TCF4: variants seen among roughly 807,000 people sequenced by gnomAD.
TCF4 encodes the protein SL3-3 enhancer factor 2.
A neutral mutation model predicts 82.1 loss-of-function variants in TCF4; 3 were observed. The ratio of observed to expected loss-of-function variants is 0.04; its 90% CI spans 0.02 to 0.09. TCF4 has a LOEUF of 0.09. Ranked by LOEUF, TCF4 falls within the 10% of genes least tolerant of loss-of-function variation. TCF4 has a pLI of 1.00. For missense variants in TCF4, 518 were observed against 852.7 expected (o/e 0.61, Z 4.89); for synonymous variants, 276 against 309.6 (o/e 0.89, Z 1.14).
intron 2 of TCF4, chr18:55,596,006 G>A (rs2097690528): frequency 5.9e-6 from 2 of 341,438 alleles, no homozygotes; most frequent in Admixed American, 6.9e-5. Flanking sequence ...ACCGAGGTGG[G>A]TGGATCACTT....
intron 8 of TCF4, among the ~76,000 whole-genome samples, chr18:55,292,974 G>T (rs965752369): frequency 6.6e-6 from 1 of 152,108 alleles, no homozygotes. Context: ...GAAGTAGGGG[G>T]ATAGGAAGGA....
At chr18:55,299,971 G>T (rs1232032885) in intron 8 of TCF4, among the ~76,000 whole-genome samples, 1 of 151,996 alleles carries the variant, frequency 6.6e-6, no homozygotes, top group African/African-American at 2.4e-5. Flanking sequence ...ATCATCTTAT[G>T]GCCTGGGATG....
At chr18:55,408,852 G>A (rs2094215440) in intron 5 of TCF4, among the ~76,000 whole-genome samples, 1 of 152,010 alleles carries the variant, frequency 6.6e-6, no homozygotes, top group African/African-American at 2.4e-5. Context: ...TAAACTAGAG[G>A]CCCGACACTG....
chr18:55,593,478 A>G (rs940284067), upstream of TCF4, among the ~76,000 whole-genome samples: 1 of 152,222 alleles, frequency 6.6e-6, no homozygotes, highest in Non-Finnish European at 1.5e-5. Context: ...CACTGGATTC[A>G]TAGACAAAAA....
At chr18:55,277,225 TA>T in intron 9 of TCF4, among the ~76,000 whole-genome samples, 1 of 152,208 alleles carries the variant, frequency 6.6e-6, no homozygotes, top group East Asian at 1.9e-4. Context: ...TGATTTTTTT[TA>T]AAGTTATCAT....
chr18:55,388,627 C>T (rs183193123), intron 6 of TCF4, among the ~76,000 whole-genome samples: 62 of 152,208 alleles, frequency 4.1e-4, no homozygotes, highest in Non-Finnish European at 6.5e-4. Context: ...GAATAGAGAG[C>T]TGGAACCATC....
chr18:55,273,360 C>T (rs2060795081), intron 10 of TCF4, among the ~76,000 whole-genome samples: 1 of 152,134 alleles, frequency 6.6e-6, no homozygotes, highest in Admixed American at 6.6e-5. Context: ...AGGAACAGCG[C>T]TTAGCTTTTT....
intron 3 of TCF4, among the ~76,000 whole-genome samples, chr18:55,566,513 A>G (rs1031510676): frequency 1.3e-5 from 2 of 152,190 alleles, no homozygotes; most frequent in African/African-American, 2.4e-5. Flanking sequence ...ACAAGAAATA[A>G]GAAAGTATTT....
chr18:55,385,824 G>C (rs1215468418), intron 6 of TCF4, among the ~76,000 whole-genome samples: 1 of 152,158 alleles, frequency 6.6e-6, no homozygotes, highest in Non-Finnish European at 1.5e-5. Context: ...CTGCTCCAAG[G>C]CTTGTCCAGC....
At chr18:55,448,694 C>T (rs1033855636) in intron 5 of TCF4, among the ~76,000 whole-genome samples, 1 of 152,172 alleles carries the variant, frequency 6.6e-6, no homozygotes, top group Non-Finnish European at 1.5e-5. Context: ...GCAACATTAC[C>T]GTGTAGTTAC....
chr18:55,230,141 T>A (rs2047466173), intron 17 of TCF4: 1 of 102,624 alleles, frequency 9.7e-6, no homozygotes, highest in Non-Finnish European at 2.0e-5. Context: ...CCAGACTCTG[T>A]CTCTTACAAA....
At chr18:55,628,546 T>C (rs942223503) in intron 2 of TCF4, among the ~76,000 whole-genome samples, 1 of 152,188 alleles carries the variant, frequency 6.6e-6, no homozygotes, top group Non-Finnish European at 1.5e-5. Flanking sequence ...CTGTCTTTCA[T>C]TATACACAGA....
chr18:55,581,429 G>C (rs2097574164), intron 3 of TCF4, among the ~76,000 whole-genome samples: 1 of 151,794 alleles, frequency 6.6e-6, no homozygotes, highest in African/African-American at 2.4e-5. Flanking sequence ...TGGGTTTAAC[G>C]CCACTGTACT....
intron 10 of TCF4, among the ~76,000 whole-genome samples, chr18:55,271,497 G>C (rs1176034408): frequency 1.3e-5 from 2 of 152,076 alleles, no homozygotes; most frequent in Non-Finnish European, 2.9e-5. Context: ...TTAGAGGTAG[G>C]ATTTTCAAAG....
intron 3 of TCF4, among the ~76,000 whole-genome samples, chr18:55,580,841 G>A (rs2097569135): frequency 6.6e-6 from 1 of 151,516 alleles, no homozygotes; most frequent in African/African-American, 2.4e-5. Flanking sequence ...ATTATTGGCT[G>A]CCTTAAGATC....
intron 11 of TCF4, among the ~76,000 whole-genome samples, chr18:55,263,563 C>T (rs942262356): frequency 1.3e-5 from 2 of 151,948 alleles, no homozygotes; most frequent in African/African-American, 4.8e-5. Flanking sequence ...ATTGAGATTG[C>T]GCCATTGCAC....
chr18:55,629,145 G>GA (rs1309914851), intron 2 of TCF4, among the ~76,000 whole-genome samples: 1 of 151,986 alleles, frequency 6.6e-6, no homozygotes, highest in Non-Finnish European at 1.5e-5. Flanking sequence ...ATTTCAATGT[G>GA]AAAAAAACTT....
chr18:55,346,790 GT>G (rs1210584962), intron 8 of TCF4, among the ~76,000 whole-genome samples: 2 of 152,112 alleles, frequency 1.3e-5, no homozygotes, highest in Non-Finnish European at 2.9e-5. Flanking sequence ...GCAGAATAAA[GT>G]TTCCAAAAGA....
At chr18:55,498,330 A>G (rs2096660246) in intron 3 of TCF4, among the ~76,000 whole-genome samples, 1 of 152,116 alleles carries the variant, frequency 6.6e-6, no homozygotes, top group South Asian at 2.1e-4. Context: ...AGCCCTACAC[A>G]TGGTAAGCCT....
Sources: allele counts gnomAD v4.1 joint callset (sites outside exome capture counted in the v4.1 genomes callset), GRCh38; gene constraint gnomAD v4.1.1; transcripts MANE v1.5; gene names NCBI Gene and HGNC (gene_info 2026-07-23, HGNC 2026-07-21).